Variants in PIK3C2G observed in about 807,000 individuals in gnomAD.
The protein encoded by PIK3C2G is phosphatidylinositol 3-kinase C2 domain-containing subunit gamma.
A neutral mutation model predicts 181.1 loss-of-function variants in PIK3C2G; 168 were observed. The observed-to-expected ratio is 0.93, with a 90% CI of 0.82 to 1.05. The LOEUF is 1.05. Among genes scored for constraint, PIK3C2G ranks in the 50% least tolerant of loss-of-function variants. PIK3C2G has a pLI of 0.00. For missense variants in PIK3C2G, 1,869 were observed against 1,732.8 expected (o/e 1.08, Z -1.40); for synonymous variants, 573 against 592.2 (o/e 0.97, Z 0.47).
intron 15 of PIK3C2G, among the ~76,000 whole-genome samples, chr12:18,398,992 G>C (rs1292814437): frequency 6.6e-6 from 1 of 151,612 alleles, no homozygotes; most frequent in Non-Finnish European, 1.5e-5. Flanking sequence ...TCAGGAGATC[G>C]AGACCATCCC....
intron 32 of PIK3C2G, among the ~76,000 whole-genome samples, chr12:18,643,712 G>A (rs191777953): frequency 7.8e-4 from 118 of 151,856 alleles, no homozygotes; most frequent in Non-Finnish European, 1.3e-3. Flanking sequence ...AACCTCAAGA[G>A]CACCTTACTA....
chr12:18,718,765 T>C, the PIK3C2G span, among the ~76,000 whole-genome samples: 1 of 152,178 alleles, frequency 6.6e-6, no homozygotes, highest in Non-Finnish European at 1.5e-5. Flanking sequence ...CTTGAAAACA[T>C]TTTTTACCTG....
chr12:18,703,336 C>G, the PIK3C2G span, among the ~76,000 whole-genome samples: 3 of 152,224 alleles, frequency 2.0e-5, no homozygotes, highest in South Asian at 2.1e-4. Context: ...AACACTTTCA[C>G]TTGAAAATTT....
intron 26 of PIK3C2G, among the ~76,000 whole-genome samples, chr12:18,551,148 A>G (rs1944708024): frequency 6.6e-6 from 1 of 151,976 alleles, no homozygotes. Context: ...CATCATCATC[A>G]ACTACTCTCT....
intron 11 of PIK3C2G, among the ~76,000 whole-genome samples, chr12:18,349,942 C>T (rs1481304063): frequency 6.6e-6 from 1 of 152,114 alleles, no homozygotes; most frequent in African/African-American, 2.4e-5. Flanking sequence ...ATGTGTCATA[C>T]TTGGTTTGTG....
intron 17 of PIK3C2G, among the ~76,000 whole-genome samples, chr12:18,423,733 G>A (rs1007226976): frequency 2.0e-5 from 3 of 152,122 alleles, no homozygotes; most frequent in Non-Finnish European, 4.4e-5. Flanking sequence ...TACAAGGAAA[G>A]GAAGCAAAAC....
At chr12:18,453,380 C>T (rs1947468456) in intron 18 of PIK3C2G, among the ~76,000 whole-genome samples, 1 of 151,754 alleles carries the variant, frequency 6.6e-6, no homozygotes, top group Admixed American at 6.6e-5. Flanking sequence ...GCAACTCCTG[C>T]TTTTTTTTGC....
At chr12:18,250,500 C>T (rs1203623606) in intron 1 of PIK3C2G, among the ~76,000 whole-genome samples, 1 of 151,950 alleles carries the variant, frequency 6.6e-6, no homozygotes, top group Non-Finnish European at 1.5e-5. Context: ...ATTTCATTTC[C>T]AGAAGGTGGC....
chr12:18,271,123 T>A (rs1318237665), intron 1 of PIK3C2G, among the ~76,000 whole-genome samples: 1 of 152,070 alleles, frequency 6.6e-6, no homozygotes. Flanking sequence ...CCCACCACAT[T>A]CTTCTATATG....
intron 26 of PIK3C2G, among the ~76,000 whole-genome samples, chr12:18,549,470 C>A (rs2136284971): frequency 6.6e-6 from 1 of 152,128 alleles, no homozygotes; most frequent in East Asian, 1.9e-4. Flanking sequence ...ACTGTCATAA[C>A]AATCCTATGA....
At chr12:18,472,227 A>G (rs1324002469) in intron 18 of PIK3C2G, among the ~76,000 whole-genome samples, 6 of 152,212 alleles carry the variant, frequency 3.9e-5, no homozygotes, top group Non-Finnish European at 8.8e-5. Context: ...ATAATGATAC[A>G]TTTATAATTC....
At chr12:18,472,349 T>A (rs983625604) in intron 18 of PIK3C2G, among the ~76,000 whole-genome samples, 1 of 152,202 alleles carries the variant, frequency 6.6e-6, no homozygotes, top group Admixed American at 6.5e-5. Context: ...TCCAAAGACG[T>A]TCTTTAACTA....
chr12:18,338,627 T>C (rs1938784904), intron 9 of PIK3C2G, 79 bp downstream of exon 9: 1 of 913,298 alleles, frequency 1.1e-6, no homozygotes, highest in African/African-American at 1.7e-5. Flanking sequence ...GACTTTTTAC[T>C]AACAACTATA....
At chr12:18,599,628 C>T (rs1470254056) in intron 30 of PIK3C2G, among the ~76,000 whole-genome samples, 1 of 148,688 alleles carries the variant, frequency 6.7e-6, no homozygotes, top group Non-Finnish European at 1.5e-5. Flanking sequence ...TGTACATGTA[C>T]CCTAAAACTT....
At chr12:18,357,007 C>T (rs1205956074) in intron 11 of PIK3C2G, among the ~76,000 whole-genome samples, 1 of 152,096 alleles carries the variant, frequency 6.6e-6, no homozygotes, top group Non-Finnish European at 1.5e-5. Context: ...TAGTATTTTC[C>T]TGCCTCCTGT....
chr12:18,650,299 C>A (rs909451349), downstream of PIK3C2G, among the ~76,000 whole-genome samples: 2 of 12,950 alleles, frequency 1.5e-4, no homozygotes, highest in Admixed American at 2.5e-3. Context: ...AAATTTCTCT[C>A]TCTCTCTCTC....
chr12:18,699,990 T>C, the PIK3C2G span: 1 of 1,567,282 alleles, frequency 6.4e-7, no homozygotes, highest in Non-Finnish European at 8.7e-7. Flanking sequence ...TTTATGCTAA[T>C]CATTGGGAAA....
chr12:18,629,236 CAG>C (rs1334131949), intron 31 of PIK3C2G, among the ~76,000 whole-genome samples: 1 of 152,150 alleles, frequency 6.6e-6, no homozygotes, highest in African/African-American at 2.4e-5. Flanking sequence ...TACTGCACAA[CAG>C]AGAGGGAGAA....
chr12:18,669,002 G>A, the PIK3C2G span, among the ~76,000 whole-genome samples: 1 of 152,102 alleles, frequency 6.6e-6, no homozygotes, highest in African/African-American at 2.4e-5. Context: ...TTCCCCCGCT[G>A]AGCAAAAGCT....
Sources: gnomAD v4.1 joint callset for allele counts (sites outside exome capture counted in the v4.1 genomes callset) on GRCh38, gnomAD v4.1.1 for gene constraint, MANE v1.5 for transcripts, NCBI Gene and HGNC (gene_info 2026-07-23, HGNC 2026-07-21) for gene names.